The following PRC1 variants were observed in gnomAD, a reference collection of about 807,000 sequenced individuals.
PRC1 encodes protein regulator of cytokinesis 1.
A neutral mutation model predicts 91.2 loss-of-function variants in PRC1; 54 were observed. The ratio of observed to expected loss-of-function variants is 0.59; its 90% CI spans 0.48 to 0.74. The LOEUF (loss-of-function observed/expected upper bound fraction) is 0.74, where lower values mean the gene tolerates loss of function less well. Ranked by LOEUF, PRC1 falls within the 30% of genes least tolerant of loss-of-function variation. The pLI, the probability that PRC1 is intolerant of heterozygous loss-of-function variation, is 0.00. For synonymous variants in PRC1, 275 were observed against 263.6 expected (o/e 1.04, Z -0.42); for missense variants, 727 against 746.2 (o/e 0.97, Z 0.30).
rs763666334 is a variant in PRC1 at position 90,980,385 on chromosome 15, T to C, written c.827A>G (p.Gln276Arg). 1 of 1,612,818 alleles carries C rather than the reference T, an allele frequency of 6.2e-7. No individual in the cohort carries two copies. The highest frequency in any genetic ancestry group is 8.5e-7 in the Non-Finnish European group (1 of 1,179,728). ...GSKAKVRKAL[Q>R]LEVDRLEELK... Reference sequence around the variant, plus strand: ...TTCTTCCAACCGATCCACTTCTAATTGCAGCTGAAAGAAAGAAACTTGTTA... The same window carrying C: ...TTCTTCCAACCGATCCACTTCTAATCGCAGCTGAAAGAAAGAAACTTGTTA... The change falls in exon 7 of 15, where the codon CAA becomes CGA. Residue 276 changes from glutamine to arginine, a missense_variant. Coordinates refer to ENST00000394249, the MANE Select transcript of PRC1 (RefSeq NM_003981.4).
intron 13 of PRC1, 137 bp downstream of exon 13, chr15:90,969,309 TG>T: frequency 7.8e-7 from 1 of 1,275,980 alleles, no homozygotes; most frequent in Non-Finnish European, 1.1e-6. Context: ...CACCCTGCCA[TG>T]GTCAAAGCAG....
intron 1 of PRC1, 99 bp downstream of exon 1, chr15:90,994,308 C>G: frequency 6.3e-7 from 1 of 1,577,594 alleles, no homozygotes; most frequent in Non-Finnish European, 8.6e-7. Flanking sequence ...ACGATCTAGG[C>G]CCGGGACCCC....
chr15:90,973,443 T>C (rs1357325799), intron 11 of PRC1, among the ~76,000 whole-genome samples: 6 of 152,242 alleles, frequency 3.9e-5, no homozygotes, highest in Admixed American at 2.0e-4. Context: ...TGTCCAGGTA[T>C]TTCCCCGCAC....
intron 14 of PRC1, chr15:90,968,513 ATAGAG>A: frequency 1.3e-5 from 13 of 987,552 alleles, no homozygotes; most frequent in Non-Finnish European, 1.6e-5. Context: ...GTTAGCAAAT[ATAGAG>A]TAGGATACTA....
At chr15:90,977,333 A>G (rs547532702) in intron 8 of PRC1, 9 of 152,344 alleles carry the variant, frequency 5.9e-5, no homozygotes, top group Admixed American at 2.6e-4. Flanking sequence ...CATATAAGGT[A>G]TATCAGAACA....
intron 1 of PRC1, 26 bp downstream of exon 1, chr15:90,994,381 C>T: frequency 6.2e-7 from 1 of 1,612,382 alleles, no homozygotes; most frequent in South Asian, 1.1e-5. Context: ...CCTCCCGCGT[C>T]CCCTCGATTT....
chr15:90,974,212 A>G lies in PRC1; in HGVS notation c.1385T>C (p.Met462Thr). The part of the protein sequence containing the change: ...LKNKKQTETE[M>T]LYGSAPRTPS... ...TGTTCGAGGAGCGCTGCCATACAGC[A>G]TCTCTGTCTCTGTCTGTTTTTTGTT... is the stretch of plus-strand genomic sequence containing the variant. Residue 462 changes from methionine (M) to threonine (T), a missense_variant, in exon 11 of 15, where the codon ATG (methionine) becomes ACG (threonine). Transcript: ENST00000394249. This position sits in a 1 kb window ranked among gnomAD's most constrained non-coding sequence, Gnocchi z 4.6. The G allele has an allele frequency of 6.2e-7, 1 of 1,614,198 alleles. No homozygotes were observed. The highest frequency in any genetic ancestry group is 2.2e-5 in the East Asian group (1 of 44,880).
chr15:90,984,809 C>A lies in PRC1; in HGVS notation c.28G>T (p.Glu10Ter), dbSNP rs747807559. 1 of 1,614,174 alleles carries A rather than the reference C, an allele frequency of 6.2e-7. No homozygotes were observed. Among genetic ancestry groups the A allele is most frequent in the Non-Finnish European group, 8.5e-7 (1 of 1,180,030 alleles). The change falls in exon 2 of 15, where the codon GAG becomes TAG. Residue 10 changes from glutamate (E) to a stop codon, truncating the protein, a stop_gained. Coordinates refer to ENST00000394249, the MANE Select transcript of PRC1 (RefSeq NM_003981.4). LOFTEE classifies it high-confidence loss of function. This position sits in a 1 kb window ranked among gnomAD's most constrained non-coding sequence, Gnocchi z 5.1. ...GCTTTCTGCAGACATACTATGGACTCCTCCGCCAGCACCTCACTGAAAACC... is the reference window on the plus strand; with the variant it reads ...GCTTTCTGCAGACATACTATGGACTACTCCGCCAGCACCTCACTGAAAACC... MRRSEVLAEESIVCLQKALN... is the reference protein window; with the variant it reads MRRSEVLAE
At chr15:90,976,264 T>C (rs1012837393) in intron 9 of PRC1, among the ~76,000 whole-genome samples, 21 of 149,042 alleles carry the variant, frequency 1.4e-4, no homozygotes, top group African/African-American at 5.2e-4. Context: ...AATTTTTGTA[T>C]TTTTAGTAGA....
At position 90,966,997 on chromosome 15, in the gene PRC1, A is replaced by G; in HGVS notation, c.*134T>C. ...ACTGTAACACTCATTCACATCTTTAAGTTAGGCCCATGGTCATGGAACCTG... is the reference window on the plus strand; with the variant it reads ...ACTGTAACACTCATTCACATCTTTAGGTTAGGCCCATGGTCATGGAACCTG... On this transcript the variant is annotated 3_prime_UTR_variant, in exon 15 of 15. Transcript: ENST00000394249. 1 of 738,220 alleles carries G rather than the reference A, an allele frequency of 1.4e-6. No homozygotes were observed. The highest frequency in any genetic ancestry group is 2.3e-6 in the Non-Finnish European group (1 of 426,006). The allele number at this position is 738,220 out of a possible 1,614,324, so 45.7% of individuals were successfully genotyped here. A position where few individuals can be genotyped will look rare whatever the true frequency, so the allele number is the denominator to read the frequency against.
rs922913325 is a variant in PRC1 at position 90,968,421 on chromosome 15, G to A, written c.1791+658C>T. 16 of 985,608 alleles carry A rather than the reference G, an allele frequency of 1.6e-5. No homozygotes were observed. In the African/African-American group the frequency reaches 2.6e-4, roughly 16 times the overall value. The allele number at this position is 985,608 out of a possible 1,614,324, so 61.1% of individuals were successfully genotyped here. A position where few individuals can be genotyped will look rare whatever the true frequency, so the allele number is the denominator to read the frequency against. The stretch of plus-strand genomic sequence containing the variant: ...GGGGTTTAACTCAATATCCCCTCAA[G>A]GGTGAGGAACATCCTCTCCTCTTGC... On this transcript the variant is annotated intron_variant, in intron 14 of 14. Coordinates refer to ENST00000394249, the MANE Select transcript of PRC1 (RefSeq NM_003981.4).
rs2038014679 is a variant in PRC1 at position 90,970,412 on chromosome 15, CAGA to C, written c.1561_1563del (p.Ser521del). On this transcript the variant is annotated inframe_deletion, in exon 12 of 15. Coordinates refer to ENST00000394249, the MANE Select transcript of PRC1 (RefSeq NM_003981.4). ...ACACAGGGCATACTAACCTTGCTGC[CAGA>C]AGGAGGAAGTCGAGACACGGGGGAG... The C allele has an allele frequency of 6.2e-7, 1 of 1,603,824 alleles. No individual in the cohort carries two copies. Among genetic ancestry groups the C allele is most frequent in the African/African-American group, 1.3e-5 (1 of 74,692 alleles).
chr15:90,979,636 A>G (rs145984281), intron 7 of PRC1, among the ~76,000 whole-genome samples: 5 of 152,344 alleles, frequency 3.3e-5, no homozygotes, highest in Middle Eastern at 6.8e-3. Flanking sequence ...GTGCAAAAAC[A>G]TCTGTTGAAT....
chr15:90,974,292 C>A lies in PRC1; in HGVS notation c.1351-46G>T. ...ACAGTGATAAATCTCAGGAAGAGAG[C>A]GGGTCTGGGATGGCAACAGCAGCAG... On this transcript the variant is annotated intron_variant, in intron 10 of 14. Transcript: ENST00000394249. The surrounding 1 kb of genome is among the most constrained non-coding windows in gnomAD (Gnocchi z 4.6). 6.5e-7 allele frequency: 1 copy of A among 1,529,702 alleles called. No individual in the cohort carries two copies. Among genetic ancestry groups the A allele is most frequent in the South Asian group, 1.1e-5 (1 of 89,138 alleles). 94.8% of individuals were successfully genotyped at this position (1,529,702 alleles called of 1,614,324 possible). A position where few individuals can be genotyped will look rare whatever the true frequency, so the allele number is the denominator to read the frequency against.
At position 90,969,442 on chromosome 15, in the gene PRC1, A is replaced by G; in HGVS notation, c.1749+5T>C. 1 of 1,587,548 alleles carries G rather than the reference A, an allele frequency of 6.3e-7. No individual in the cohort carries two copies. The highest frequency in any genetic ancestry group is 8.6e-7 in the Non-Finnish European group (1 of 1,164,292). On this transcript the variant is annotated splice_donor_5th_base_variant and intron_variant, in intron 13 of 14. Coordinates refer to ENST00000394249, the MANE Select transcript of PRC1 (RefSeq NM_003981.4). ...GACTGGTAGATATTAGAAAAGGTGA[A>G]TTACCGCAAACTCAGAATAGGTGCT...
rs1486564334 is a variant in PRC1 at position 90,994,388 on chromosome 15, A to G, written c.11+19T>C. 1.9e-6 allele frequency: 3 copies of G among 1,610,846 alleles called. No homozygotes were observed. The highest frequency in any genetic ancestry group is 1.3e-5 in the African/African-American group (1 of 74,440). On this transcript the variant is annotated intron_variant, in intron 1 of 14. Transcript: ENST00000394249. ...CGTCGCTCCCTCCCGCGTCCCCTCG[A>G]TTTCCCCGCAACCCGCACCTTCTCC...
At position 90,984,143 on chromosome 15, in the gene PRC1, A is replaced by G. The variant is rs2039410344; in HGVS notation, c.145-3T>C. On this transcript the variant is annotated splice_region_variant and splice_polypyrimidine_tract_variant and intron_variant, in intron 2 of 14. Coordinates refer to ENST00000394249, the MANE Select transcript of PRC1 (RefSeq NM_003981.4). This position sits in a 1 kb window ranked among gnomAD's most constrained non-coding sequence, Gnocchi z 5.1. ...GCAATCATCATATCCAGGAGTTCCTACAAGAGGGAAAACAGTCCATAAGTT... is the reference window on the plus strand; with the variant it reads ...GCAATCATCATATCCAGGAGTTCCTGCAAGAGGGAAAACAGTCCATAAGTT... 5 of 1,614,048 alleles carry G rather than the reference A, an allele frequency of 3.1e-6. No individual in the cohort carries two copies. In the East Asian group the frequency reaches 1.1e-4, roughly 36 times the overall value.
At chr15:90,975,329 G>A (rs1315138515) in intron 9 of PRC1, among the ~76,000 whole-genome samples, 1 of 152,016 alleles carries the variant, frequency 6.6e-6, no homozygotes, top group African/African-American at 2.4e-5. Flanking sequence ...GTCTCGAACT[G>A]CCTCGGCCTC....
In PRC1 at chr15:90,984,336, C is replaced by A. The variant is rs534805917; in HGVS notation, c.145-196G>T. Among the ~76,000 whole-genome samples the A allele has an allele frequency of 6.6e-6, 1 of 152,308 alleles. No individual in the cohort carries two copies. Among genetic ancestry groups the A allele is most frequent in the African/African-American group, 2.4e-5 (1 of 41,572 alleles). On this transcript the variant is annotated intron_variant, in intron 2 of 14. Transcript: ENST00000394249. This position sits in a 1 kb window ranked among gnomAD's most constrained non-coding sequence, Gnocchi z 5.1. ...CTCTACCTTCCGGGTTCAATAGATT[C>A]TCCTGTCTCAGCCTCTTGAGTAGCT...
Sources: gnomAD v4.1 joint callset for allele counts (sites outside exome capture counted in the v4.1 genomes callset) on GRCh38, gnomAD v4.1.1 for gene constraint, Gnocchi (gnomAD v3.1) non-coding constraint, MANE v1.5 for transcripts, NCBI Gene and HGNC (gene_info 2026-07-23, HGNC 2026-07-21) for gene names.